The following HEMK2 variants were observed in gnomAD, a reference collection of about 807,000 sequenced individuals.
HEMK2 encodes methyltransferase HEMK2.
At chr21:28,745,876 C>T in the HEMK2 span, among the ~76,000 whole-genome samples, 84 of 152,300 alleles carry the variant, frequency 5.5e-4, no homozygotes, top group Non-Finnish European at 1.0e-3. Flanking sequence ...CTTAGCTCTC[C>T]GCTGCCACCT....
the HEMK2 span, among the ~76,000 whole-genome samples, chr21:28,711,603 T>C: frequency 2.0e-5 from 3 of 152,118 alleles, no homozygotes; most frequent in Non-Finnish European, 4.4e-5. Context: ...AGGGGGCTGA[T>C]AGGAACAATT....
the HEMK2 span, among the ~76,000 whole-genome samples, chr21:28,662,559 T>A: frequency 1.3e-5 from 2 of 152,286 alleles, no homozygotes; most frequent in South Asian, 4.2e-4. Flanking sequence ...GAATTGTAGT[T>A]CCTATAATTC....
At chr21:28,876,938 C>G in the HEMK2 span, among the ~76,000 whole-genome samples, 1 of 146,922 alleles carries the variant, frequency 6.8e-6, no homozygotes, top group Non-Finnish European at 1.5e-5. Flanking sequence ...AAAAAGAAAA[C>G]CTTCCTTATA....
the HEMK2 span, among the ~76,000 whole-genome samples, chr21:28,628,353 G>T: frequency 6.6e-6 from 1 of 152,148 alleles, no homozygotes; most frequent in Non-Finnish European, 1.5e-5. Context: ...CAACCACTAT[G>T]AGTTAAGAAT....
chr21:28,688,412 A>G, the HEMK2 span, among the ~76,000 whole-genome samples: 103 of 152,322 alleles, frequency 6.8e-4, no homozygotes, highest in Admixed American at 1.7e-3. Context: ...AAATGCATTA[A>G]CTTTTATCTT....
chr21:28,860,859 A>G, the HEMK2 span, among the ~76,000 whole-genome samples: 1 of 152,224 alleles, frequency 6.6e-6, no homozygotes, highest in African/African-American at 2.4e-5. Context: ...GTTGCAGCTC[A>G]GGGAGTTAAA....
the HEMK2 span, among the ~76,000 whole-genome samples, chr21:28,727,898 A>G: frequency 6.6e-6 from 1 of 152,224 alleles, no homozygotes; most frequent in African/African-American, 2.4e-5. Context: ...CATTTTAAAA[A>G]TGCTTCTGTT....
At chr21:28,753,755 A>G in the HEMK2 span, among the ~76,000 whole-genome samples, 4 of 152,200 alleles carry the variant, frequency 2.6e-5, no homozygotes, top group Non-Finnish European at 5.9e-5. Flanking sequence ...TATTCTGCTT[A>G]GTTTTATGAA....
the HEMK2 span, among the ~76,000 whole-genome samples, chr21:28,856,399 G>A: frequency 6.6e-6 from 1 of 150,792 alleles, no homozygotes; most frequent in Non-Finnish European, 1.5e-5. Context: ...TGGATTGACA[G>A]AGCAAGACTC....
At chr21:28,579,017 G>A in the HEMK2 span, among the ~76,000 whole-genome samples, 4 of 152,328 alleles carry the variant, frequency 2.6e-5, no homozygotes, top group African/African-American at 9.6e-5. Context: ...TGGAGTTATG[G>A]ACTCCAGAGG....
chr21:28,769,840 T>C, the HEMK2 span, among the ~76,000 whole-genome samples: 1 of 152,170 alleles, frequency 6.6e-6, no homozygotes, highest in African/African-American at 2.4e-5. Context: ...AGCTTTCTTA[T>C]TCTGAATAAT....
At chr21:28,882,981 T>G in the HEMK2 span, 2 of 1,567,894 alleles carry the variant, frequency 1.3e-6, no homozygotes, top group Non-Finnish European at 1.7e-6. Context: ...TATGATATAC[T>G]TACATGTACA....
the HEMK2 span, among the ~76,000 whole-genome samples, chr21:28,842,076 C>G: frequency 6.6e-6 from 1 of 152,064 alleles, no homozygotes; most frequent in Non-Finnish European, 1.5e-5. Flanking sequence ...TCTATGAGTC[C>G]TTCTAGAAAG....
the HEMK2 span, among the ~76,000 whole-genome samples, chr21:28,852,108 A>G: frequency 2.0e-5 from 3 of 152,222 alleles, no homozygotes; most frequent in South Asian, 4.1e-4. Flanking sequence ...GGCGATCACC[A>G]TCCCTGCATC....
At chr21:28,619,504 C>T in the HEMK2 span, among the ~76,000 whole-genome samples, 1 of 152,148 alleles carries the variant, frequency 6.6e-6, no homozygotes, top group African/African-American at 2.4e-5. Context: ...ATTTGTGAAG[C>T]ATTCATTTTA....
chr21:28,646,467 T>C, the HEMK2 span, among the ~76,000 whole-genome samples: 32,202 of 152,078 alleles, frequency 0.21, 3,722 homozygotes, highest in East Asian at 0.38. Flanking sequence ...CCTTCAAAGG[T>C]TTGACCCAAA....
the HEMK2 span, among the ~76,000 whole-genome samples, chr21:28,599,457 A>C: frequency 6.6e-6 from 1 of 152,170 alleles, no homozygotes; most frequent in Admixed American, 6.5e-5. Flanking sequence ...TACCATGAGA[A>C]TAGTATGGGG....
the HEMK2 span, among the ~76,000 whole-genome samples, chr21:28,720,152 C>G: frequency 2.0e-5 from 3 of 152,140 alleles, no homozygotes; most frequent in Non-Finnish European, 4.4e-5. Context: ...TATTGTTGGC[C>G]ATGAGTTCAA....
chr21:28,788,191 C>T, the HEMK2 span, among the ~76,000 whole-genome samples: 7 of 110,980 alleles, frequency 6.3e-5, no homozygotes, highest in East Asian at 8.0e-4. Flanking sequence ...CACATATATA[C>T]GTATATACGT....
Sources: allele counts gnomAD v4.1 joint callset (sites outside exome capture counted in the v4.1 genomes callset), GRCh38; gene constraint gnomAD v4.1.1; transcripts MANE v1.5; gene names NCBI Gene and HGNC (gene_info 2026-07-23, HGNC 2026-07-21).